Variants in RAB2A observed in about 807,000 individuals in gnomAD.
The protein encoded by RAB2A is RAB2A, member RAS oncogene family.
RAB2A carries 7 observed loss-of-function variants against 32.5 expected under a neutral mutation model. The ratio of observed to expected loss-of-function variants is 0.22; its 90% CI spans 0.12 to 0.40. RAB2A has a LOEUF of 0.40. Among genes scored for constraint, RAB2A ranks in the 10% least tolerant of loss-of-function variants. The pLI is 1.00. For missense variants in RAB2A, 108 were observed against 260.7 expected, an observed-to-expected ratio of 0.41 and a Z score of 4.03; for synonymous variants, 79 against 85.2, an observed-to-expected ratio of 0.93 and a Z score of 0.40.
At chr8:60,590,207 C>T (rs1219416326) in intron 5 of RAB2A, among the ~76,000 whole-genome samples, 3 of 151,958 alleles carry the variant, frequency 2.0e-5, no homozygotes, top group Admixed American at 6.5e-5. Context: ...GTGATCCACC[C>T]GCCTTGCCTC....
rs1803822081 is a variant in RAB2A, at chr8:60,584,827, A to G, written c.362+12A>G. 1.3e-6 allele frequency: 2 copies of G among 1,580,708 alleles called. No homozygotes were observed. ...ATTGGAAATAAAAGGTAAAAAGGCT[A>G]ATTTAGAGCTTACATTGCATTAGTG... On this transcript the variant is annotated intron_variant, in intron 5 of 7. Transcript: ENST00000262646.
chr8:60,604,399 A>G (rs1453840338), intron 6 of RAB2A, among the ~76,000 whole-genome samples: 13 of 152,198 alleles, frequency 8.5e-5, no homozygotes, highest in Non-Finnish European at 1.9e-4. Context: ...TGTTATAAAG[A>G]TACCTCAAAA....
intron 3 of RAB2A, among the ~76,000 whole-genome samples, chr8:60,583,055 G>A (rs1416363957): frequency 6.6e-6 from 1 of 152,038 alleles, no homozygotes; most frequent in African/African-American, 2.4e-5. Context: ...GGATGGGGGA[G>A]GGAGGGAGTA....
At chr8:60,592,154 GC>G in intron 6 of RAB2A, 185 bp downstream of exon 6, 3 of 381,632 alleles carry the variant, frequency 7.9e-6, no homozygotes, top group Non-Finnish European at 1.5e-5. Flanking sequence ...ATCATATTGA[GC>G]CTTCTAAAGC....
At chr8:60,603,940 G>A (rs535681114) in intron 6 of RAB2A, among the ~76,000 whole-genome samples, 56 of 152,284 alleles carry the variant, frequency 3.7e-4, no homozygotes, top group African/African-American at 1.3e-3. Context: ...TTGATAGACA[G>A]ACAGATAGGG....
intron 3 of RAB2A, among the ~76,000 whole-genome samples, chr8:60,572,850 C>T (rs139765167): frequency 5.2e-4 from 79 of 152,180 alleles, no homozygotes; most frequent in African/African-American, 1.7e-3. Flanking sequence ...GAGAAACTTA[C>T]CAAATATTCA....
chr8:60,621,003 A>C lies in RAB2A; in HGVS notation c.*234A>C. 4.4e-6 allele frequency: 2 copies of C among 450,234 alleles called. No homozygotes were observed. The allele number at this position is 450,234 out of a possible 1,614,324, so 27.9% of individuals were successfully genotyped here. A position where few individuals can be genotyped will look rare whatever the true frequency, so the allele number is the denominator to read the frequency against. The stretch of plus-strand genomic sequence containing the variant: ...TTTGATTTCTAGGTCAATTGATGTG[A>C]TTATTTTTGTTAAATGTTGTCTTGT... On this transcript the variant is annotated 3_prime_UTR_variant, in exon 8 of 8. Coordinates refer to ENST00000262646, the MANE Select transcript of RAB2A (RefSeq NM_002865.3).
intron 6 of RAB2A, among the ~76,000 whole-genome samples, chr8:60,613,067 T>C (rs1321926030): frequency 1.3e-5 from 2 of 152,218 alleles, no homozygotes; most frequent in African/African-American, 4.8e-5. Flanking sequence ...GACTCTCCTA[T>C]CTTTGCCCAA....
chr8:60,613,245 A>G (rs144135858), intron 6 of RAB2A, among the ~76,000 whole-genome samples: 1 of 152,284 alleles, frequency 6.6e-6, no homozygotes, highest in African/African-American at 2.4e-5. Context: ...TGCAGGGCAC[A>G]TACACATTTA....
intron 1 of RAB2A, chr8:60,558,499 T>G (rs1293120257): frequency 2.0e-6 from 1 of 503,398 alleles, no homozygotes. Flanking sequence ...TTAACTATGC[T>G]TTAAATATTT....
intron 2 of RAB2A, among the ~76,000 whole-genome samples, chr8:60,569,016 A>G (rs906304318): frequency 2.6e-5 from 4 of 152,238 alleles, no homozygotes; most frequent in African/African-American, 9.6e-5. Context: ...GAGGCTTCCA[A>G]GAGACTAGGA....
At chr8:60,542,092 A>ACC (rs1807655053) in intron 1 of RAB2A, among the ~76,000 whole-genome samples, 5 of 152,248 alleles carry the variant, frequency 3.3e-5, no homozygotes, top group African/African-American at 1.2e-4. Flanking sequence ...GAGAATACAA[A>ACC]GGAAGATACT....
chr8:60,608,745 T>C (rs1331676672), intron 6 of RAB2A, among the ~76,000 whole-genome samples: 1 of 152,150 alleles, frequency 6.6e-6, no homozygotes, highest in East Asian at 1.9e-4. Flanking sequence ...AGCTGCTGCC[T>C]AGACAGTTGT....
chr8:60,562,590 C>A (rs1808040697), intron 2 of RAB2A, among the ~76,000 whole-genome samples: 1 of 152,062 alleles, frequency 6.6e-6, no homozygotes, highest in Admixed American at 6.5e-5. Context: ...TCTATACATT[C>A]ACTATGCAGA....
intron 1 of RAB2A, among the ~76,000 whole-genome samples, chr8:60,534,789 G>GAA (rs1417000905): frequency 1.3e-5 from 2 of 152,114 alleles, no homozygotes; most frequent in Non-Finnish European, 2.9e-5. Flanking sequence ...ATAGTTTAAG[G>GAA]GATTGCTTAA....
chr8:60,552,325 A>G (rs1360729910), intron 1 of RAB2A: 1 of 151,258 alleles, frequency 6.6e-6, no homozygotes, highest in East Asian at 2.0e-4. Context: ...TTTTATACCT[A>G]TGGGGTCTCA....
intron 6 of RAB2A, among the ~76,000 whole-genome samples, chr8:60,596,785 G>T (rs1422445617): frequency 6.6e-6 from 1 of 152,148 alleles, no homozygotes; most frequent in Non-Finnish European, 1.5e-5. Flanking sequence ...GCCAGGCGTG[G>T]TGGCAGGCGC....
rs184383294 is a variant in RAB2A at position 60,611,262 on chromosome 8, G to C, written c.475-7318G>C. ...CCCTCCCCTGCTTCCTACCTTTTCA[G>C]GGTTCCTCTGCCTATAGGGCCACAT... On this transcript the variant is annotated intron_variant, in intron 6 of 7. Transcript: ENST00000262646. Among the ~76,000 whole-genome samples, 1,063 of 152,162 alleles carry C rather than the reference G, an allele frequency of 7.0e-3. 7 individuals carry two copies. Among genetic ancestry groups the C allele is most frequent in the Non-Finnish European group, 0.011 (733 of 68,012 alleles).
intron 1 of RAB2A, among the ~76,000 whole-genome samples, chr8:60,536,039 T>C (rs1015195745): frequency 8.5e-5 from 13 of 152,192 alleles, no homozygotes; most frequent in Non-Finnish European, 1.8e-4. Context: ...CTGTTAGCCT[T>C]CTTGTGCGTT....
Sources: gnomAD v4.1 joint callset for allele counts (sites outside exome capture counted in the v4.1 genomes callset) on GRCh38, gnomAD v4.1.1 for gene constraint, MANE v1.5 for transcripts, NCBI Gene and HGNC (gene_info 2026-07-23, HGNC 2026-07-21) for gene names.